Variants in GALNTL6 observed in about 807,000 individuals in gnomAD.
GALNTL6 encodes the protein polypeptide N-acetylgalactosaminyltransferase like 6.
A neutral mutation model predicts 73.7 loss-of-function variants in GALNTL6; 46 were observed. The observed-to-expected ratio is 0.62, with a 90% CI of 0.49 to 0.80. GALNTL6 has a LOEUF of 0.80. GALNTL6 is among the 30% of genes least tolerant of loss of function. The pLI is 0.00. For missense variants in GALNTL6, 604 were observed against 755.0 expected (o/e 0.80, Z 2.34); for synonymous variants, 259 against 263.7 (o/e 0.98, Z 0.17).
At chr4:172,257,375 A>C (rs1193424699) in intron 3 of GALNTL6, among the ~76,000 whole-genome samples, 8 of 151,380 alleles carry the variant, frequency 5.3e-5, no homozygotes, top group African/African-American at 1.9e-4. Flanking sequence ...ATTTTAGTGA[A>C]TATCTCCAAG....
intron 2 of GALNTL6, among the ~76,000 whole-genome samples, chr4:171,853,740 T>C (rs896486346): frequency 6.6e-6 from 1 of 150,640 alleles, no homozygotes; most frequent in Non-Finnish European, 1.5e-5. Flanking sequence ...GCCTCCTGAG[T>C]AGCTGGGACT....
At chr4:172,523,917 G>A (rs1734866796) in intron 5 of GALNTL6, among the ~76,000 whole-genome samples, 2 of 152,052 alleles carry the variant, frequency 1.3e-5, no homozygotes, top group East Asian at 1.9e-4. Context: ...GAACTATCAG[G>A]TAAACAACCC....
chr4:172,637,807 A>G (rs1242577451), intron 5 of GALNTL6, among the ~76,000 whole-genome samples: 3 of 152,104 alleles, frequency 2.0e-5, no homozygotes, highest in Admixed American at 6.6e-5. Context: ...AAAATAATCT[A>G]CTTCTAACCT....
chr4:171,856,079 A>G (rs1008986185), intron 2 of GALNTL6, among the ~76,000 whole-genome samples: 2 of 152,030 alleles, frequency 1.3e-5, no homozygotes, highest in African/African-American at 4.8e-5. Context: ...AATATATTTC[A>G]CAGAACAGAT....
chr4:171,898,902 A>G (rs184603565), intron 2 of GALNTL6, among the ~76,000 whole-genome samples: 95 of 152,172 alleles, frequency 6.2e-4, no homozygotes, highest in African/African-American at 2.1e-3. Flanking sequence ...AGCTATTTGC[A>G]TGAGCATAGT....
At chr4:172,160,904 ACACACATACACACACACACACT>A (rs1052195539) in intron 2 of GALNTL6, among the ~76,000 whole-genome samples, 8 of 54,072 alleles carry the variant, frequency 1.5e-4, no homozygotes, top group African/African-American at 7.4e-4. Context: ...ACACACACAC[ACACACATACACACACACACACT>A]CACACACATA....
At chr4:172,586,275 C>A (rs531057889) in intron 5 of GALNTL6, among the ~76,000 whole-genome samples, 66 of 152,204 alleles carry the variant, frequency 4.3e-4, no homozygotes, top group African/African-American at 1.5e-3. Flanking sequence ...AATACCTTCT[C>A]CTTTTATATG....
intron 7 of GALNTL6, among the ~76,000 whole-genome samples, chr4:172,860,276 A>T (rs1478336735): frequency 1.3e-5 from 2 of 152,226 alleles, no homozygotes; most frequent in Non-Finnish European, 2.9e-5. Flanking sequence ...GCAGCATATT[A>T]TACTAAGGAA....
At chr4:172,741,036 A>G (rs2110736829) in intron 5 of GALNTL6, among the ~76,000 whole-genome samples, 1 of 152,258 alleles carries the variant, frequency 6.6e-6, no homozygotes, top group South Asian at 2.1e-4. Flanking sequence ...GTTGATTTGC[A>G]TTATTTGTGA....
chr4:171,870,778 T>G (rs1010230824), intron 2 of GALNTL6, among the ~76,000 whole-genome samples: 2 of 152,196 alleles, frequency 1.3e-5, no homozygotes, highest in African/African-American at 2.4e-5. Flanking sequence ...GGGAGGTCTA[T>G]GCTGAGATTG....
At chr4:172,699,354 C>G (rs1268281944) in intron 5 of GALNTL6, among the ~76,000 whole-genome samples, 1 of 152,104 alleles carries the variant, frequency 6.6e-6, no homozygotes, top group East Asian at 1.9e-4. Flanking sequence ...ATATGTGTAT[C>G]TGTGCATGTG....
intron 5 of GALNTL6, among the ~76,000 whole-genome samples, chr4:172,398,247 T>C (rs1214280012): frequency 6.6e-6 from 1 of 152,182 alleles, no homozygotes; most frequent in African/African-American, 2.4e-5. Context: ...TTAATGTTTA[T>C]TAAAAATGAT....
intron 10 of GALNTL6, among the ~76,000 whole-genome samples, chr4:172,988,370 AAGC>A (rs2126449306): frequency 6.6e-6 from 1 of 152,270 alleles, no homozygotes; most frequent in South Asian, 2.1e-4. Flanking sequence ...AGAAATATCT[AAGC>A]AGCAAAGCAT....
rs1457581928 is a variant in GALNTL6, at chr4:172,865,024, G to GA, written c.924-17758dup. 5.9e-5 allele frequency among the ~76,000 whole-genome samples: 9 copies of GA among 151,874 alleles called. No homozygotes were observed. In the South Asian group the frequency reaches 1.2e-3, roughly 21 times the overall value. On this transcript the variant is annotated intron_variant, in intron 7 of 12. Transcript: ENST00000506823. ...GGATTTGGGTTTTGTTATCTTCCTA[G>GA]AAAAAAAAGAAGTTGAGAAACTATT...
At chr4:172,649,684 T>C (rs538199722) in intron 5 of GALNTL6, among the ~76,000 whole-genome samples, 74 of 152,240 alleles carry the variant, frequency 4.9e-4, no homozygotes, top group Non-Finnish European at 8.7e-4. Context: ...TACATGTATA[T>C]ATAATAAGTT....
chr4:172,226,561 G>C, intron 2 of GALNTL6, among the ~76,000 whole-genome samples: 1 of 117,928 alleles, frequency 8.5e-6, no homozygotes, highest in Admixed American at 1.0e-4. Flanking sequence ...GAAGTTCTGT[G>C]TGTGTGTGTG....
chr4:172,492,135 A>G (rs1733918684), intron 5 of GALNTL6, among the ~76,000 whole-genome samples: 1 of 152,170 alleles, frequency 6.6e-6, no homozygotes, highest in Non-Finnish European at 1.5e-5. Context: ...TTAAGAAAAA[A>G]TTGCGTATTA....
intron 5 of GALNTL6, among the ~76,000 whole-genome samples, chr4:172,670,999 A>G (rs1731944074): frequency 6.6e-6 from 1 of 151,988 alleles, no homozygotes; most frequent in Non-Finnish European, 1.5e-5. Context: ...ATTCTGTTCC[A>G]TTGGTCTATG....
chr4:172,676,292 T>G (rs1014035042), intron 5 of GALNTL6, among the ~76,000 whole-genome samples: 9 of 152,222 alleles, frequency 5.9e-5, no homozygotes, highest in Non-Finnish European at 8.8e-5. Flanking sequence ...TTCTTTCCAA[T>G]TGGAAGACTT....
Sources: gnomAD v4.1 joint callset for allele counts (sites outside exome capture counted in the v4.1 genomes callset) on GRCh38, gnomAD v4.1.1 for gene constraint, MANE v1.5 for transcripts, NCBI Gene and HGNC (gene_info 2026-07-23, HGNC 2026-07-21) for gene names.